The following PPP2R3C variants were observed in gnomAD, a reference collection of about 807,000 sequenced individuals.
PPP2R3C encodes protein phosphatase 2 regulatory subunit B''gamma, also known as serine/threonine-protein phosphatase 2A regulatory subunit B'' subunit gamma.
PPP2R3C carries 47 observed loss-of-function variants against 63.7 expected under a neutral mutation model. The ratio of observed to expected loss-of-function variants is 0.74; its 90% CI spans 0.58 to 0.94. The LOEUF (loss-of-function observed/expected upper bound fraction) is 0.94, where lower values mean the gene tolerates loss of function less well. PPP2R3C is among the 40% of genes least tolerant of loss of function. The pLI is 0.00. For synonymous variants in PPP2R3C, 180 were observed against 177.4 expected, an observed-to-expected ratio of 1.01 and a Z score of -0.12; for missense variants, 421 against 518.4, an observed-to-expected ratio of 0.81 and a Z score of 1.82.
intron 6 of PPP2R3C, among the ~76,000 whole-genome samples, chr14:35,104,133 G>C (rs1391535877): frequency 6.6e-6 from 1 of 152,274 alleles, no homozygotes; most frequent in East Asian, 1.9e-4. Flanking sequence ...CAAGTGAACT[G>C]CTAACAAGAA....
intron 10 of PPP2R3C, among the ~76,000 whole-genome samples, chr14:35,093,745 C>T (rs2045909591): frequency 6.6e-6 from 1 of 151,784 alleles, no homozygotes; most frequent in Non-Finnish European, 1.5e-5. Flanking sequence ...CTCCCGGGTT[C>T]ACACCATTAC....
chr14:35,106,665 T>G, intron 6 of PPP2R3C, among the ~76,000 whole-genome samples: 1 of 11,710 alleles, frequency 8.5e-5, no homozygotes, highest in South Asian at 3.3e-3. Context: ...GCCAATACAT[T>G]TTTTTTTTTT....
At chr14:35,087,546 TG>T (rs2045647885) in intron 12 of PPP2R3C, 2 of 173,114 alleles carry the variant, frequency 1.2e-5, no homozygotes, top group Admixed American at 1.2e-4. Context: ...ATTACATGCA[TG>T]CGCCACCATG....
At chr14:35,099,220 T>G in intron 7 of PPP2R3C, 32 bp downstream of exon 7, 1 of 1,510,158 alleles carries the variant, frequency 6.6e-7, no homozygotes, top group Non-Finnish European at 8.8e-7. Flanking sequence ...AATATCCTCA[T>G]AATATCTAAG....
At chr14:35,119,655 C>T (rs187224802) in intron 1 of PPP2R3C, among the ~76,000 whole-genome samples, 4 of 151,808 alleles carry the variant, frequency 2.6e-5, no homozygotes, top group African/African-American at 4.8e-5. Context: ...CCACTACCCC[C>T]GACCACCCAC....
At chr14:35,099,932 G>T (rs192075577) in intron 6 of PPP2R3C, 5 of 153,620 alleles carry the variant, frequency 3.3e-5, no homozygotes, top group African/African-American at 7.2e-5. Context: ...TAGAAACGGG[G>T]TTTCACCATG....
intron 10 of PPP2R3C, among the ~76,000 whole-genome samples, chr14:35,093,662 T>A (rs1200777583): frequency 6.6e-6 from 1 of 152,178 alleles, no homozygotes; most frequent in East Asian, 1.9e-4. Context: ...TCTTTTTTTT[T>A]TTGAGATGGA....
At chr14:35,110,740 A>G (rs2046528336) in intron 2 of PPP2R3C, 111 bp from the exon 3 acceptor site, 2 of 665,810 alleles carry the variant, frequency 3.0e-6, no homozygotes, top group Non-Finnish European at 5.1e-6. Flanking sequence ...TATTTCTTGT[A>G]TCTCACCTTA....
At chr14:35,107,415 A>G (rs2046399534) in intron 5 of PPP2R3C, 41 bp from the exon 6 acceptor site, 2 of 1,464,136 alleles carry the variant, frequency 1.4e-6, no homozygotes, top group Non-Finnish European at 1.9e-6. Flanking sequence ...CTTAAGATCT[A>G]TCCTTCAGAT....
rs1328811951 is a variant in PPP2R3C at position 35,095,688 on chromosome 14, A to AAC, written c.839-505_839-504insGT. Among the ~76,000 whole-genome samples the AAC allele has an allele frequency of 3.4e-4, 51 of 148,388 alleles. 1 individual carries two copies. The highest frequency in any genetic ancestry group is 1.9e-3 in the South Asian group (9 of 4,698). On this transcript the variant is annotated intron_variant, in intron 9 of 12. Transcript: ENST00000261475. ...ACCGTCTCTACTAAAAAAAAAAACA[A>AAC]AAAAAAAAAACATTAGCCGGGTGTG...
At chr14:35,088,063 C>A in intron 11 of PPP2R3C, 53 bp from the exon 12 acceptor site, 1 of 1,282,996 alleles carries the variant, frequency 7.8e-7, no homozygotes, top group East Asian at 2.4e-5. Context: ...CACAACATCC[C>A]TCTTTTGCCC....
chr14:35,099,132 A>T, intron 7 of PPP2R3C, 120 bp downstream of exon 7: 1 of 1,304,298 alleles, frequency 7.7e-7, no homozygotes, highest in East Asian at 2.9e-5. Context: ...GAAATTCACC[A>T]AATTTTTAAT....
chr14:35,098,361 T>G (rs1330293760), intron 7 of PPP2R3C, among the ~76,000 whole-genome samples: 1 of 148,458 alleles, frequency 6.7e-6, no homozygotes, highest in African/African-American at 2.5e-5. Flanking sequence ...TTTTTTTTTT[T>G]TTTTTTTTGA....
intron 6 of PPP2R3C, chr14:35,106,242 AAAGTGAGCAT>A (rs2046354200): frequency 6.6e-6 from 1 of 152,296 alleles, no homozygotes; most frequent in Non-Finnish European, 1.5e-5. Context: ...TTGATAGTTT[AAAGTGAGCAT>A]TTTGACAACG....
chr14:35,115,996 A>G (rs943047489), intron 2 of PPP2R3C, among the ~76,000 whole-genome samples: 2 of 152,146 alleles, frequency 1.3e-5, no homozygotes, highest in African/African-American at 4.8e-5. Context: ...AAACTTTATA[A>G]CAAAGTGTAT....
intron 5 of PPP2R3C, 135 bp from the exon 6 acceptor site, chr14:35,107,509 G>A (rs1427917620): frequency 7.3e-6 from 5 of 684,722 alleles, no homozygotes; most frequent in Non-Finnish European, 7.6e-6. Context: ...AAAATTGCTT[G>A]AAACAAAAAA....
chr14:35,092,650 G>C (rs540983856), intron 10 of PPP2R3C, among the ~76,000 whole-genome samples: 2 of 151,904 alleles, frequency 1.3e-5, no homozygotes, highest in African/African-American at 4.8e-5. Context: ...ATTTTTAGTA[G>C]AGAAGCGGTT....
chr14:35,106,125 G>A (rs894238313), intron 6 of PPP2R3C, among the ~76,000 whole-genome samples: 5 of 152,104 alleles, frequency 3.3e-5, no homozygotes, highest in East Asian at 1.9e-4. Flanking sequence ...GATTACAGGC[G>A]TGAGCCACCA....
intron 6 of PPP2R3C, chr14:35,101,715 A>G (rs1291108078): frequency 6.6e-6 from 1 of 152,164 alleles, no homozygotes; most frequent in East Asian, 1.9e-4. Context: ...GTTGTTTCTT[A>G]TGATTAAGAA....
Sources: gnomAD v4.1 joint callset for allele counts (sites outside exome capture counted in the v4.1 genomes callset) on GRCh38, gnomAD v4.1.1 for gene constraint, MANE v1.5 for transcripts, NCBI Gene and HGNC (gene_info 2026-07-23, HGNC 2026-07-21) for gene names.